IGSF10: variants seen among roughly 807,000 people sequenced by gnomAD.
IGSF10 encodes the protein calvaria mechanical force protein 608.
In IGSF10, 126 loss-of-function variants were observed where a neutral mutation model predicts 128.2. That is an observed-to-expected ratio of 0.98 (90% confidence interval 0.85 to 1.14). The LOEUF (loss-of-function observed/expected upper bound fraction) is 1.14, where lower values mean the gene tolerates loss of function less well. Ranked by LOEUF, IGSF10 falls within the 50% of genes most tolerant of loss-of-function variation. The pLI, the probability that IGSF10 is intolerant of heterozygous loss-of-function variation, is 0.00. For synonymous variants in IGSF10, 1,185 were observed against 1,146.2 expected, an observed-to-expected ratio of 1.03 and a Z score of -0.68; for missense variants, 3,295 against 3,149.8, an observed-to-expected ratio of 1.05 and a Z score of -1.10.
At chr3:151,575,374 C>T in the IGSF10 span, among the ~76,000 whole-genome samples, 2 of 152,160 alleles carry the variant, frequency 1.3e-5, no homozygotes, top group Non-Finnish European at 2.9e-5. Flanking sequence ...CTGCGGTGGG[C>T]TCCATCTAGT....
At chr3:151,561,594 T>C in the IGSF10 span, among the ~76,000 whole-genome samples, 1 of 152,116 alleles carries the variant, frequency 6.6e-6, no homozygotes, top group East Asian at 1.9e-4. Flanking sequence ...TGTAATGAAA[T>C]AAAATGTGGC....
chr3:151,452,900 G>C (rs1297956170), intron 5 of IGSF10, among the ~76,000 whole-genome samples: 1 of 151,996 alleles, frequency 6.6e-6, no homozygotes, highest in Non-Finnish European at 1.5e-5. Context: ...AGCAGAAAAG[G>C]AAAGGAAGGG....
chr3:151,558,016 A>AT, the IGSF10 span, among the ~76,000 whole-genome samples: 24 of 28,568 alleles, frequency 8.4e-4, 4 homozygotes, highest in East Asian at 2.3e-3. Context: ...ATATATATAT[A>AT]TAATATATAT....
At chr3:151,467,526 C>T in the IGSF10 span, among the ~76,000 whole-genome samples, 1 of 152,114 alleles carries the variant, frequency 6.6e-6, no homozygotes, top group Non-Finnish European at 1.5e-5. Flanking sequence ...CAGAATGGGA[C>T]AAACCTGAGG....
At chr3:151,465,330 A>G (rs897445515), upstream of IGSF10, among the ~76,000 whole-genome samples, 2 of 152,234 alleles carry the variant, frequency 1.3e-5, no homozygotes, top group Non-Finnish European at 2.9e-5. Flanking sequence ...GGAGCACAAG[A>G]ATGACCATTG....
Position 151,445,691 on chromosome 3 carries a change from CTG to C in IGSF10, c.4288_4289del (p.Gln1430AspfsTer9). ...VIEELAQASTQTLKSTIASET... is the reference protein window; with the variant it reads ...VIEELAQASTXTLKSTIASET... The stretch of plus-strand genomic sequence containing the variant: ...CAGAAGCAATTGTGCTCTTCAAAGT[CTG>C]AGTACTTGCTTGGGCTAGTTCTTCA... On this transcript the variant is annotated frameshift_variant, in exon 6 of 8. Coordinates refer to ENST00000282466, the MANE Select transcript of IGSF10 (RefSeq NM_178822.5). LOFTEE classifies it high-confidence loss of function. 1 of 1,614,212 alleles carries C rather than the reference CTG, an allele frequency of 6.2e-7. No homozygotes were observed. Among genetic ancestry groups the C allele is most frequent in the Non-Finnish European group, 8.5e-7 (1 of 1,180,034 alleles).
chr3:151,580,232 C>T, the IGSF10 span, among the ~76,000 whole-genome samples: 1 of 151,928 alleles, frequency 6.6e-6, no homozygotes, highest in South Asian at 2.1e-4. Context: ...AATCAATGCC[C>T]AGTTAATATA....
At chr3:151,536,344 C>A in the IGSF10 span, among the ~76,000 whole-genome samples, 1 of 152,112 alleles carries the variant, frequency 6.6e-6, no homozygotes, top group Non-Finnish European at 1.5e-5. Context: ...GAGAGGGTGA[C>A]CCTCAGTCTG....
the IGSF10 span, among the ~76,000 whole-genome samples, chr3:151,470,906 C>A: frequency 6.6e-6 from 1 of 152,118 alleles, no homozygotes; most frequent in Non-Finnish European, 1.5e-5. Context: ...ATTACTTCTC[C>A]TATCTCCTTC....
chr3:151,435,505 C>G (rs6771502), downstream of IGSF10: 19,590 of 152,034 alleles, frequency 0.13, 1,618 homozygotes, highest in East Asian at 0.4. Flanking sequence ...CCCAAGGGCG[C>G]TATTCCACAT....
chr3:151,568,282 T>G, the IGSF10 span, among the ~76,000 whole-genome samples: 851 of 152,364 alleles, frequency 5.6e-3, 18 homozygotes, highest in East Asian at 0.073. Flanking sequence ...ACAGGCACAC[T>G]GTTTTACTGG....
chr3:151,497,026 GT>G, the IGSF10 span, among the ~76,000 whole-genome samples: 2 of 151,952 alleles, frequency 1.3e-5, no homozygotes, highest in South Asian at 4.2e-4. Context: ...TGATAGGGTT[GT>G]TTTTTTCTTG....
the IGSF10 span, among the ~76,000 whole-genome samples, chr3:151,496,402 T>C: frequency 1.4e-5 from 2 of 141,830 alleles, no homozygotes; most frequent in Admixed American, 7.3e-5. Context: ...CCTGTGTCCA[T>C]GTGTTCTCAT....
chr3:151,468,013 G>A, the IGSF10 span, among the ~76,000 whole-genome samples: 1 of 152,118 alleles, frequency 6.6e-6, no homozygotes, highest in Non-Finnish European at 1.5e-5. Flanking sequence ...AAAAACAAAA[G>A]GATGAACCAG....
At chr3:151,432,871 A>G, downstream of IGSF10, 2 of 1,190,998 alleles carry the variant, frequency 1.7e-6, no homozygotes, top group Non-Finnish European at 2.4e-6. Flanking sequence ...AATTTAATGC[A>G]TTAGTCATCT....
the IGSF10 span, among the ~76,000 whole-genome samples, chr3:151,535,902 C>T: frequency 2.0e-5 from 3 of 152,158 alleles, no homozygotes; most frequent in African/African-American, 7.2e-5. Flanking sequence ...CAGTTTCTTT[C>T]AACTTCACTG....
the IGSF10 span, among the ~76,000 whole-genome samples, chr3:151,483,145 T>C: frequency 2.0e-5 from 3 of 152,192 alleles, no homozygotes; most frequent in African/African-American, 7.2e-5. Flanking sequence ...GAGTCAAATT[T>C]GGAATGTGCC....
chr3:151,580,820 A>G, the IGSF10 span, among the ~76,000 whole-genome samples: 5 of 152,196 alleles, frequency 3.3e-5, no homozygotes, highest in African/African-American at 7.2e-5. Flanking sequence ...AAATTGCCCA[A>G]CTTGATTCCT....
At chr3:151,507,219 AGTCTTCACAGTTCT>A in the IGSF10 span, among the ~76,000 whole-genome samples, 1 of 152,098 alleles carries the variant, frequency 6.6e-6, no homozygotes, top group Non-Finnish European at 1.5e-5. Context: ...CTCCAGGTAT[AGTCTTCACAGTTCT>A]GTCTTCTGTC....
Sources: allele counts gnomAD v4.1 joint callset (sites outside exome capture counted in the v4.1 genomes callset), GRCh38; gene constraint gnomAD v4.1.1; transcripts MANE v1.5; gene names NCBI Gene and HGNC (gene_info 2026-07-23, HGNC 2026-07-21).